The following TMEM132D variants were observed in gnomAD, a reference collection of about 807,000 sequenced individuals.
TMEM132D encodes the protein mature OL transmembrane protein.
In TMEM132D, 21 loss-of-function variants were observed where a neutral mutation model predicts 62.3. The observed-to-expected ratio is 0.34, with a 90% CI of 0.24 to 0.49. TMEM132D has a LOEUF of 0.49. TMEM132D is among the 20% of genes least tolerant of loss of function. TMEM132D has a pLI of 0.99. For missense variants in TMEM132D, 1,346 were observed against 1,402.8 expected (o/e 0.96, Z 0.65); for synonymous variants, 621 against 575.6 (o/e 1.08, Z -1.13).
chr12:129,351,133 G>A (rs1485447644), intron 3 of TMEM132D, among the ~76,000 whole-genome samples: 1 of 152,176 alleles, frequency 6.6e-6, no homozygotes, highest in African/African-American at 2.4e-5. Context: ...CTTCGGGGAT[G>A]GTTATGGGCT....
chr12:129,104,412 A>C (rs201085636), intron 5 of TMEM132D, among the ~76,000 whole-genome samples: 4,500 of 152,272 alleles, frequency 0.03, 332 homozygotes, highest in East Asian at 0.19. Context: ...TAAAGACTTA[A>C]ATGTTAGACC....
chr12:129,242,715 CTCTT>C (rs1478337297), intron 4 of TMEM132D, among the ~76,000 whole-genome samples: 1 of 151,892 alleles, frequency 6.6e-6, no homozygotes, highest in African/African-American at 2.4e-5. Context: ...AAATTTTTCT[CTCTT>C]CCTTCAATTT....
chr12:129,205,692 C>T (rs1878830328), intron 5 of TMEM132D, among the ~76,000 whole-genome samples: 1 of 152,096 alleles, frequency 6.6e-6, no homozygotes, highest in Admixed American at 6.5e-5. Context: ...AAACTCTCCA[C>T]CCCTAAACAA....
intron 4 of TMEM132D, among the ~76,000 whole-genome samples, chr12:129,263,952 G>A (rs1043965549): frequency 5.9e-5 from 9 of 152,168 alleles, no homozygotes; most frequent in East Asian, 1.9e-4. Context: ...TGAAGATAGC[G>A]GGAAGATGCA....
At chr12:129,336,346 G>A (rs1354896211) in intron 4 of TMEM132D, among the ~76,000 whole-genome samples, 4 of 152,140 alleles carry the variant, frequency 2.6e-5, no homozygotes, top group African/African-American at 7.2e-5. Flanking sequence ...GGGAGGCTAA[G>A]GTGGGTGGAT....
Position 129,620,934 on chromosome 12 carries a change from C to T in TMEM132D, c.968+78876G>A, listed in dbSNP as rs1370388900. On this transcript the variant is annotated intron_variant, in intron 2 of 8. Coordinates refer to ENST00000422113, the MANE Select transcript of TMEM132D (RefSeq NM_133448.3). ...GCAAACCACCGTGGCACACGTTTAC[C>T]TATGTAACAAATCTGCACATCCTGC... is the stretch of plus-strand genomic sequence containing the variant. Among the ~76,000 whole-genome samples, 5 of 152,142 alleles carry T rather than the reference C, an allele frequency of 3.3e-5. No individual in the cohort carries two copies. In the East Asian group the frequency reaches 9.6e-4, roughly 29 times the overall value.
chr12:129,084,640 C>T lies in TMEM132D; in HGVS notation c.1506G>A (p.Val502=), dbSNP rs757602371. 18 of 1,614,150 alleles carry T rather than the reference C, an allele frequency of 1.1e-5. No homozygotes were observed. The highest frequency in any genetic ancestry group is 6.7e-5 in the East Asian group (3 of 44,858). The change falls in exon 6 of 9, where the codon GTG becomes GTA. Residue 502 remains valine (V), a synonymous_variant. Transcript: ENST00000422113. ...NGKEMKGKVN[V]VVNFTYQHLS... The stretch of plus-strand genomic sequence containing the variant: ...GGTGCTGGTAGGTGAAGTTCACCAC[C>T]ACGTTGACCTTGCCTTTCATTTCTT...
At chr12:129,586,809 C>A (rs1878041962) in intron 2 of TMEM132D, among the ~76,000 whole-genome samples, 1 of 152,106 alleles carries the variant, frequency 6.6e-6, no homozygotes, top group South Asian at 2.1e-4. Context: ...TTGACTAATG[C>A]AGGTACATAA....
chr12:129,703,076 A>C (rs1361708952), intron 1 of TMEM132D, among the ~76,000 whole-genome samples: 1 of 152,226 alleles, frequency 6.6e-6, no homozygotes, highest in African/African-American at 2.4e-5. Flanking sequence ...ACCACTCAGA[A>C]CAAGTACCTT....
intron 3 of TMEM132D, among the ~76,000 whole-genome samples, chr12:129,470,983 A>G (rs1874077035): frequency 6.6e-6 from 1 of 152,154 alleles, no homozygotes; most frequent in Non-Finnish European, 1.5e-5. Flanking sequence ...TCAGATAGAG[A>G]AAATGGGTGC....
intron 3 of TMEM132D, among the ~76,000 whole-genome samples, chr12:129,351,446 C>A (rs1869858664): frequency 6.6e-6 from 1 of 152,140 alleles, no homozygotes; most frequent in African/African-American, 2.4e-5. Flanking sequence ...ACTGAGGAAA[C>A]TTCTCAGATT....
intron 2 of TMEM132D, among the ~76,000 whole-genome samples, chr12:129,667,667 T>C (rs1332782890): frequency 6.6e-6 from 1 of 152,100 alleles, no homozygotes; most frequent in Non-Finnish European, 1.5e-5. Flanking sequence ...AAATATTTTT[T>C]TCTAACCTAA....
intron 1 of TMEM132D, among the ~76,000 whole-genome samples, chr12:129,902,750 C>G (rs1566024873): frequency 1.3e-5 from 2 of 152,150 alleles, no homozygotes; most frequent in African/African-American, 4.8e-5. Context: ...GAGCCGCCCC[C>G]CAGGCTATAT....
At chr12:129,299,605 A>T (rs1037390800) in intron 4 of TMEM132D, among the ~76,000 whole-genome samples, 1 of 150,502 alleles carries the variant, frequency 6.6e-6, no homozygotes, top group Non-Finnish European at 1.5e-5. Context: ...CCTCTCATCA[A>T]ACTGGACACA....
At chr12:129,191,751 TACACACACACAGAAC>T (rs1297558802) in intron 5 of TMEM132D, among the ~76,000 whole-genome samples, 1 of 149,254 alleles carries the variant, frequency 6.7e-6, no homozygotes, top group African/African-American at 2.5e-5. Context: ...TAATGAACCA[TACACACACACAGAAC>T]ACACACACAC....
intron 2 of TMEM132D, among the ~76,000 whole-genome samples, chr12:129,542,512 T>C (rs1876610874): frequency 6.6e-6 from 1 of 152,204 alleles, no homozygotes; most frequent in Non-Finnish European, 1.5e-5. Context: ...GTTATAAATA[T>C]TCAAATGGCA....
chr12:129,419,228 C>G (rs1304435007), intron 3 of TMEM132D, among the ~76,000 whole-genome samples: 1 of 152,144 alleles, frequency 6.6e-6, no homozygotes, highest in South Asian at 2.1e-4. Context: ...CTCAGGCTGT[C>G]TCCATGTTCT....
At chr12:129,118,915 G>T (rs61142082) in intron 5 of TMEM132D, among the ~76,000 whole-genome samples, 1 of 152,174 alleles carries the variant, frequency 6.6e-6, no homozygotes, top group African/African-American at 2.4e-5. Context: ...TGCAGCTCAT[G>T]TGTTCTTTCT....
intron 1 of TMEM132D, among the ~76,000 whole-genome samples, chr12:129,710,635 G>A (rs927651422): frequency 2.0e-5 from 3 of 152,116 alleles, no homozygotes; most frequent in Non-Finnish European, 4.4e-5. Context: ...AATATCTCTT[G>A]CCTATTTATT....
Sources: allele counts gnomAD v4.1 joint callset (sites outside exome capture counted in the v4.1 genomes callset), GRCh38; gene constraint gnomAD v4.1.1; transcripts MANE v1.5; gene names NCBI Gene and HGNC (gene_info 2026-07-23, HGNC 2026-07-21).